Variants in GOLGA8B observed in about 807,000 individuals in gnomAD.
GOLGA8B encodes the protein golgin subfamily A member 8B.
GOLGA8B carries 1 observed loss-of-function variant against 15.6 expected under a neutral mutation model. That is an observed-to-expected ratio of 0.06 (90% CI 0.02 to 0.30). GOLGA8B has a LOEUF of 0.30. GOLGA8B is among the 10% of genes least tolerant of loss of function. The pLI is 1.00. For synonymous variants in GOLGA8B, 9 were observed against 80.3 expected, an observed-to-expected ratio of 0.11 and a Z score of 4.75; for missense variants, 17 against 201.3, an observed-to-expected ratio of 0.08 and a Z score of 5.54.
intron 1 of GOLGA8B, among the ~76,000 whole-genome samples, chr15:34,580,802 G>A (rs1164625709): frequency 6.6e-6 from 1 of 152,196 alleles, no homozygotes; most frequent in Admixed American, 6.5e-5. Flanking sequence ...CACACAGGCT[G>A]CCTCCTGGTG....
At position 34,526,776 on chromosome 15, in the gene GOLGA8B, G is replaced by A. The variant is rs577455839; in HGVS notation, c.*856C>T. ...CTAGGAAAGGTTTTCCACATCCACA[G>A]CCAACGATGGCAGCCTTTCATTCCT... On this transcript the variant is annotated 3_prime_UTR_variant, in exon 24 of 24. Coordinates refer to ENST00000683415, the MANE Select transcript of GOLGA8B (RefSeq NM_001023567.5). 1.1e-4 allele frequency: 17 copies of A among 149,598 alleles called. 2 individuals carry two copies. Among genetic ancestry groups the A allele is most frequent in the Admixed American group, 1.0e-3 (15 of 14,782 alleles). The allele number at this position is 149,598 out of a possible 1,614,324, so 9.3% of individuals were successfully genotyped here. A position where few individuals can be genotyped will look rare whatever the true frequency, so the allele number is the denominator to read the frequency against.
rs1184937612 is a variant in GOLGA8B, at chr15:34,557,056, C to T, written c.-1122-3100G>A. ...GCCGGTTGAGGGCTGAGGGGCAACT[C>T]GTGTGTCGCAGAAGACACCCCTCCT... On this transcript the variant is annotated intron_variant, in intron 1 of 23. Coordinates refer to ENST00000683415, the MANE Select transcript of GOLGA8B (RefSeq NM_001023567.5). Among the ~76,000 whole-genome samples, 7 of 134,122 alleles carry T rather than the reference C, an allele frequency of 5.2e-5. No homozygotes were observed. The East Asian group carries it at 6.1e-4, about 12-fold the overall frequency. 88.0% of individuals were successfully genotyped at this position (134,122 alleles called of 152,430 possible). A position where few individuals can be genotyped will look rare whatever the true frequency, so the allele number is the denominator to read the frequency against.
At position 34,570,742 on chromosome 15, in the gene GOLGA8B, G is replaced by C. The variant is rs1184299867; in HGVS notation, c.-1123+12774C>G. Among the ~76,000 whole-genome samples the C allele has an allele frequency of 1.8e-5, 2 of 112,272 alleles. 1 individual carries two copies. The highest frequency in any genetic ancestry group is 3.9e-5 in the Non-Finnish European group (2 of 50,710). The allele number at this position is 112,272 out of a possible 152,430, so 73.7% of individuals were successfully genotyped here. A position where few individuals can be genotyped will look rare whatever the true frequency, so the allele number is the denominator to read the frequency against. On this transcript the variant is annotated intron_variant, in intron 1 of 23. Transcript: ENST00000683415. The stretch of plus-strand genomic sequence containing the variant: ...GGGCAGGCAGCCCACAAATTTAAAA[G>C]GCAACAACTTTTCTACAGACCAGCC...
At chr15:34,582,131 A>C (rs1331512703) in intron 1 of GOLGA8B, among the ~76,000 whole-genome samples, 1 of 152,186 alleles carries the variant, frequency 6.6e-6, no homozygotes, top group Non-Finnish European at 1.5e-5. Flanking sequence ...ATCAGCGCAG[A>C]GTGCAGGGCA....
chr15:34,573,432 G>T (rs1392423007), intron 1 of GOLGA8B, among the ~76,000 whole-genome samples: 1 of 151,482 alleles, frequency 6.6e-6, no homozygotes, highest in African/African-American at 2.4e-5. Flanking sequence ...AGCTACTCGG[G>T]AGGCTGAGGA....
intron 1 of GOLGA8B, among the ~76,000 whole-genome samples, chr15:34,563,663 T>C (rs1212759986): frequency 2.0e-5 from 3 of 152,044 alleles, no homozygotes; most frequent in African/African-American, 7.2e-5. Context: ...GTGTTCAGTG[T>C]TCAGTTTTCC....
Position 34,565,021 on chromosome 15 carries a change from C to T in GOLGA8B, c.-1122-11065G>A, listed in dbSNP as rs1487261327. On this transcript the variant is annotated intron_variant, in intron 1 of 23. Coordinates refer to ENST00000683415, the MANE Select transcript of GOLGA8B (RefSeq NM_001023567.5). Reference sequence around the variant, plus strand: ...CTGTGCCCATGTTTCAGCTGAGAGCCGGGTGGGTGGCAGGGGCTACGGAGA... The same window carrying T: ...CTGTGCCCATGTTTCAGCTGAGAGCTGGGTGGGTGGCAGGGGCTACGGAGA... 3.5e-5 allele frequency among the ~76,000 whole-genome samples: 5 copies of T among 144,152 alleles called. 1 individual carries two copies. The highest frequency in any genetic ancestry group is 2.2e-4 in the South Asian group (1 of 4,626). 94.6% of individuals were successfully genotyped at this position (144,152 alleles called of 152,430 possible).
chr15:34,578,008 CAT>C (rs1202322105), intron 1 of GOLGA8B, among the ~76,000 whole-genome samples: 1 of 152,198 alleles, frequency 6.6e-6, no homozygotes, highest in African/African-American at 2.4e-5. Context: ...GGACCTCTGT[CAT>C]ATACGCTATC....
chr15:34,566,949 A>T (rs1250929958), intron 1 of GOLGA8B, among the ~76,000 whole-genome samples: 1 of 116,768 alleles, frequency 8.6e-6, no homozygotes, highest in African/African-American at 3.5e-5. Flanking sequence ...GAGGAAAGGC[A>T]GACTTCATGG....
chr15:34,526,808 T>A lies in GOLGA8B; in HGVS notation c.*824A>T, dbSNP rs1888066373. 2 of 149,250 alleles carry A rather than the reference T, an allele frequency of 1.3e-5. 1 individual carries two copies. The highest frequency in any genetic ancestry group is 4.3e-4 in the South Asian group (2 of 4,636). The allele number at this position is 149,250 out of a possible 1,614,324, so 9.2% of individuals were successfully genotyped here. A position where few individuals can be genotyped will look rare whatever the true frequency, so the allele number is the denominator to read the frequency against. On this transcript the variant is annotated 3_prime_UTR_variant, in exon 24 of 24. Coordinates refer to ENST00000683415, the MANE Select transcript of GOLGA8B (RefSeq NM_001023567.5). ...ATGGCAGCCTTTCATTCCTCGGAAA[T>A]AAGCCATTTTTAGGTCACTGAAAAA... is the stretch of plus-strand genomic sequence containing the variant.
At chr15:34,576,899 C>T (rs1889098471) in intron 1 of GOLGA8B, among the ~76,000 whole-genome samples, 1 of 152,194 alleles carries the variant, frequency 6.6e-6, no homozygotes, top group South Asian at 2.1e-4. Context: ...CTGGTGACTG[C>T]ACTGACTGAC....
chr15:34,544,949 C>G lies in GOLGA8B; in HGVS notation c.-473G>C, dbSNP rs1251271341. ...CGGTTCTGTCGAGTAGGCACTGCTT[C>G]AGCCCTACAGGAAGGAAAAAACATC... On this transcript the variant is annotated 5_prime_UTR_variant, in exon 7 of 24. Transcript: ENST00000683415. 1 of 95,142 alleles carries G rather than the reference C, an allele frequency of 1.1e-5. No individual in the cohort carries two copies. Among genetic ancestry groups the G allele is most frequent in the Non-Finnish European group, 2.1e-5 (1 of 47,136 alleles). 5.9% of individuals were successfully genotyped at this position (95,142 alleles called of 1,614,324 possible).
chr15:34,575,556 C>T (rs1251055247), intron 1 of GOLGA8B, among the ~76,000 whole-genome samples: 2 of 151,982 alleles, frequency 1.3e-5, no homozygotes, highest in Non-Finnish European at 2.9e-5. Flanking sequence ...CCCCCATCTC[C>T]AGCTCTGACC....
At chr15:34,583,354 G>A (rs1889301382) in intron 1 of GOLGA8B, among the ~76,000 whole-genome samples, 162 bp downstream of exon 1, 1 of 151,964 alleles carries the variant, frequency 6.6e-6, no homozygotes, top group South Asian at 2.1e-4. Flanking sequence ...AGATCCCAGC[G>A]GCGGCCTCCC....
In GOLGA8B at chr15:34,571,615, TAA is replaced by T. The variant is rs541199491; in HGVS notation, c.-1123+11899_-1123+11900del. On this transcript the variant is annotated intron_variant, in intron 1 of 23. Coordinates refer to ENST00000683415, the MANE Select transcript of GOLGA8B (RefSeq NM_001023567.5). ...ACTAGGAAATTAGGTTGGAATCGTA[TAA>T]AAAAAAAAAAAACTACATCCACAAA... 6.9e-3 allele frequency among the ~76,000 whole-genome samples: 843 copies of T among 123,046 alleles called. 22 individuals carry two copies. The highest frequency in any genetic ancestry group is 0.023 in the African/African-American group (769 of 32,972). 80.7% of individuals were successfully genotyped at this position (123,046 alleles called of 152,430 possible). A position where few individuals can be genotyped will look rare whatever the true frequency, so the allele number is the denominator to read the frequency against.
chr15:34,576,130 G>A (rs76747392), intron 1 of GOLGA8B, among the ~76,000 whole-genome samples: 4 of 152,146 alleles, frequency 2.6e-5, no homozygotes, highest in South Asian at 2.1e-4. Context: ...CCTATGTGAT[G>A]GATAAAAGGA....
chr15:34,575,106 TAA>T (rs67726333), intron 1 of GOLGA8B, among the ~76,000 whole-genome samples: 16 of 138,358 alleles, frequency 1.2e-4, no homozygotes, highest in East Asian at 2.1e-4. Context: ...TAAATCCTTG[TAA>T]AAAAAAAAAA....
intron 1 of GOLGA8B, among the ~76,000 whole-genome samples, chr15:34,567,862 A>AGG (rs1411937581): frequency 6.6e-6 from 1 of 151,796 alleles, no homozygotes; most frequent in Admixed American, 6.5e-5. Context: ...CTCTCAGCTC[A>AGG]GGGGTCCATG....
chr15:34,573,296 T>A (rs1419849965), intron 1 of GOLGA8B, among the ~76,000 whole-genome samples: 1 of 152,084 alleles, frequency 6.6e-6, no homozygotes, highest in African/African-American at 2.4e-5. Context: ...CGCAGCACTT[T>A]GGGAGGCTGA....
Sources: allele counts gnomAD v4.1 joint callset (sites outside exome capture counted in the v4.1 genomes callset), GRCh38; gene constraint gnomAD v4.1.1; transcripts MANE v1.5; gene names NCBI Gene and HGNC (gene_info 2026-07-23, HGNC 2026-07-21).